Variants in ETFBKMT observed in about 807,000 individuals in gnomAD.
The protein encoded by ETFBKMT is electron transfer flavoprotein subunit beta lysine methyltransferase.
ETFBKMT carries 13 observed loss-of-function variants against 18.3 expected under a neutral mutation model. The ratio of observed to expected loss-of-function variants is 0.71; its 90% CI spans 0.46 to 1.13. The LOEUF is 1.13. Ranked by LOEUF, ETFBKMT falls within the 50% of genes most tolerant of loss-of-function variation. ETFBKMT has a pLI of 0.00. For missense variants in ETFBKMT, 293 were observed against 306.2 expected (o/e 0.96, Z 0.32); for synonymous variants, 84 against 107.9 (o/e 0.78, Z 1.37).
In ETFBKMT at chr12:31,672,149, C is replaced by T; in HGVS notation, c.*4159C>T. 2 of 603,652 alleles carry T rather than the reference C, an allele frequency of 3.3e-6. No homozygotes were observed. The highest frequency in any genetic ancestry group is 2.2e-5 in the South Asian group (1 of 46,428). The allele number at this position is 603,652 out of a possible 1,614,324, so 37.4% of individuals were successfully genotyped here. ...GAGTAAAGCACAAACCATGTATATACCAAGACTTAGCTAATTCTCTGAGAG... is the reference window on the plus strand; with the variant it reads ...GAGTAAAGCACAAACCATGTATATATCAAGACTTAGCTAATTCTCTGAGAG... On this transcript the variant is annotated 3_prime_UTR_variant, in exon 4 of 4. Coordinates refer to ENST00000357721, the MANE Select transcript of ETFBKMT (RefSeq NM_001135863.2).
upstream of ETFBKMT, among the ~76,000 whole-genome samples, chr12:31,655,483 C>T (rs890768279): frequency 1.3e-5 from 2 of 152,148 alleles, no homozygotes; most frequent in African/African-American, 4.8e-5. Context: ...TGTCCAGGAA[C>T]CTAAAGTCTG....
chr12:31,667,815 AGTGCTTCTG>A lies in ETFBKMT; in HGVS notation c.616_624del (p.Cys206_Trp208del). On this transcript the variant is annotated inframe_deletion, in exon 4 of 4. Transcript: ENST00000357721. The stretch of plus-strand genomic sequence containing the variant: ...GATAGTCTTCATCAGTGGCTGAAGA[AGTGCTTCTG>A]GACCTATAGAACTCGAGTACTGATT... The A allele has an allele frequency of 6.2e-7, 1 of 1,614,242 alleles. No individual in the cohort carries two copies. Among genetic ancestry groups the A allele is most frequent in the East Asian group, 2.2e-5 (1 of 44,896 alleles).
intron 1 of ETFBKMT, among the ~76,000 whole-genome samples, chr12:31,650,627 CT>C (rs57675973): frequency 0.012 from 1,602 of 138,042 alleles, 22 homozygotes; most frequent in African/African-American, 0.033. Flanking sequence ...ATGACCTGAC[CT>C]TTTTTTTTTT....
At chr12:31,649,449 A>T (rs1445182058) in intron 1 of ETFBKMT, among the ~76,000 whole-genome samples, 1 of 152,140 alleles carries the variant, frequency 6.6e-6, no homozygotes, top group Non-Finnish European at 1.5e-5. Flanking sequence ...TGTGCCTCAC[A>T]GATATTGTGA....
At chr12:31,663,313 G>A (rs1375048283) in intron 2 of ETFBKMT, among the ~76,000 whole-genome samples, 3 of 152,076 alleles carry the variant, frequency 2.0e-5, no homozygotes, top group Non-Finnish European at 2.9e-5. Context: ...GGCTGGTCTC[G>A]AACTTCTGAC....
intron 2 of ETFBKMT, among the ~76,000 whole-genome samples, chr12:31,665,220 G>A (rs922144480): frequency 2.0e-5 from 3 of 152,314 alleles, no homozygotes; most frequent in Middle Eastern, 3.4e-3. Context: ...ACAGGCAGGA[G>A]CCACTGTGCC....
rs1186474154 is a variant in ETFBKMT, at chr12:31,666,129, A to G, written c.357A>G (p.Val119=). Residue 119 remains valine, a synonymous_variant, in exon 3 of 4, where the codon GTA becomes GTG. Transcript: ENST00000357721. ...CTGATGTTGTCAGAGGAAAATCTGT[A>G]TTAGATCTTGGGAGTGGATGTGGAG... ...DNPDVVRGKS[V]LDLGSGCGAT... The G allele has an allele frequency of 3.7e-6, 6 of 1,613,710 alleles. No individual in the cohort carries two copies. In the East Asian group the frequency reaches 1.1e-4, roughly 30 times the overall value.
intron 2 of ETFBKMT, 136 bp from the exon 3 acceptor site, chr12:31,665,951 T>C (rs11051521): frequency 0.021 from 14,065 of 658,212 alleles, 826 homozygotes; most frequent in East Asian, 0.16. Context: ...ATGGCCATCA[T>C]GAACATGTCA....
In ETFBKMT at chr12:31,672,141, T is replaced by C; in HGVS notation, c.*4151T>C. On this transcript the variant is annotated 3_prime_UTR_variant, in exon 4 of 4. Coordinates refer to ENST00000357721, the MANE Select transcript of ETFBKMT (RefSeq NM_001135863.2). ...ATGTTTAAGAGTAAAGCACAAACCA[T>C]GTATATACCAAGACTTAGCTAATTC... is the stretch of plus-strand genomic sequence containing the variant. 1 of 584,006 alleles carries C rather than the reference T, an allele frequency of 1.7e-6. No homozygotes were observed. Among genetic ancestry groups the C allele is most frequent in the South Asian group, 2.3e-5 (1 of 44,414 alleles). The allele number at this position is 584,006 out of a possible 1,614,324, so 36.2% of individuals were successfully genotyped here.
chr12:31,672,613 ATTTGTTGT>A lies in ETFBKMT; in HGVS notation c.*4627_*4634del. The A allele has an allele frequency of 2.7e-6, 1 of 369,316 alleles. No individual in the cohort carries two copies. Among genetic ancestry groups the A allele is most frequent in the Non-Finnish European group, 4.9e-6 (1 of 202,974 alleles). 22.9% of individuals were successfully genotyped at this position (369,316 alleles called of 1,614,324 possible). A position where few individuals can be genotyped will look rare whatever the true frequency, so the allele number is the denominator to read the frequency against. ...ACTTGTTTAAAAAAAAAAAACAGGC[ATTTGTTGT>A]TTTCTCTGTAATTTCATCATAATTC... On this transcript the variant is annotated 3_prime_UTR_variant, in exon 4 of 4. Coordinates refer to ENST00000357721, the MANE Select transcript of ETFBKMT (RefSeq NM_001135863.2).
chr12:31,666,034 C>T, intron 2 of ETFBKMT, 53 bp from the exon 3 acceptor site: 1 of 1,540,512 alleles, frequency 6.5e-7, no homozygotes. Flanking sequence ...GGCCTGTTCC[C>T]AACATTTATT....
upstream of ETFBKMT, among the ~76,000 whole-genome samples, chr12:31,656,187 C>T (rs963774185): frequency 2.0e-5 from 3 of 151,988 alleles, no homozygotes; most frequent in Non-Finnish European, 2.9e-5. Context: ...CCATAGGAAG[C>T]TAAGAAAATA....
At chr12:31,652,567 C>T (rs1951027122) in intron 1 of ETFBKMT, among the ~76,000 whole-genome samples, 1 of 152,166 alleles carries the variant, frequency 6.6e-6, no homozygotes. Flanking sequence ...AAATTAGTAA[C>T]ACTTGTATGC....
chr12:31,649,769 C>CTTTTTTTT (rs61406039), intron 1 of ETFBKMT, among the ~76,000 whole-genome samples: 1 of 142,752 alleles, frequency 7.0e-6, no homozygotes, highest in Non-Finnish European at 1.5e-5. Flanking sequence ...TTTTCCTTTT[C>CTTTTTTTT]TTTTTTTTTT....
At chr12:31,650,674 A>C (rs892355613) in intron 1 of ETFBKMT, among the ~76,000 whole-genome samples, 29 of 141,850 alleles carry the variant, frequency 2.0e-4, no homozygotes, top group African/African-American at 7.4e-4. Flanking sequence ...TGTTGAGAAG[A>C]GACCAAAGGA....
intron 2 of ETFBKMT, among the ~76,000 whole-genome samples, chr12:31,662,479 CTTG>C (rs979808368): frequency 6.0e-5 from 9 of 148,996 alleles, no homozygotes; most frequent in African/African-American, 1.2e-4. Context: ...AAAACTCAGT[CTTG>C]TTGTTTTCTT....
Position 31,672,240 on chromosome 12 carries a change from AG to A in ETFBKMT, c.*4251del. On this transcript the variant is annotated 3_prime_UTR_variant, in exon 4 of 4. Coordinates refer to ENST00000357721, the MANE Select transcript of ETFBKMT (RefSeq NM_001135863.2). ...CATTAAGTAGAATGCAAATCTCTATAGATGGTTTCCTGGGAAAGTAGTTTTG... is the reference window on the plus strand; with the variant it reads ...CATTAAGTAGAATGCAAATCTCTATAATGGTTTCCTGGGAAAGTAGTTTTG... The A allele has an allele frequency of 1.8e-6, 2 of 1,100,800 alleles. No individual in the cohort carries two copies. The highest frequency in any genetic ancestry group is 4.0e-5 in the Admixed American group (2 of 49,686). The allele number at this position is 1,100,800 out of a possible 1,614,324, so 68.2% of individuals were successfully genotyped here.
intron 2 of ETFBKMT, 94 bp downstream of exon 2, chr12:31,662,361 G>GA: frequency 2.6e-6 from 3 of 1,174,298 alleles, no homozygotes; most frequent in Non-Finnish European, 3.6e-6. Context: ...TGCTAGGCGT[G>GA]GTGGCTCATG....
intron 3 of ETFBKMT, among the ~76,000 whole-genome samples, chr12:31,666,999 C>CT (rs1212726747): frequency 0.082 from 11,060 of 134,966 alleles, 858 homozygotes; most frequent in African/African-American, 0.19. Context: ...CTTTTTTTTT[C>CT]TTTTTTTTTT....
Sources: gnomAD v4.1 joint callset for allele counts (sites outside exome capture counted in the v4.1 genomes callset) on GRCh38, gnomAD v4.1.1 for gene constraint, MANE v1.5 for transcripts, NCBI Gene and HGNC (gene_info 2026-07-23, HGNC 2026-07-21) for gene names.